KCTD16: variants seen among roughly 807,000 people sequenced by gnomAD.
KCTD16 encodes the protein potassium channel tetramerization domain containing 16.
A neutral mutation model predicts 33.2 loss-of-function variants in KCTD16; 13 were observed. That is an observed-to-expected ratio of 0.39 (90% CI 0.25 to 0.62). The LOEUF (loss-of-function observed/expected upper bound fraction) is 0.62. KCTD16 is among the 20% of genes least tolerant of loss of function. KCTD16 has a pLI of 0.50. For synonymous variants in KCTD16, 197 were observed against 195.3 expected (o/e 1.01, Z -0.07); for missense variants, 441 against 525.1 (o/e 0.84, Z 1.57).
At chr5:144,303,075 C>T (rs570077681) in intron 3 of KCTD16, among the ~76,000 whole-genome samples, 145 of 152,272 alleles carry the variant, frequency 9.5e-4, no homozygotes, top group Non-Finnish European at 1.6e-3. Flanking sequence ...GTATAATTGA[C>T]ATTATTAGAG....
intron 3 of KCTD16, among the ~76,000 whole-genome samples, chr5:144,320,256 A>G (rs1752037488): frequency 6.6e-6 from 1 of 152,192 alleles, no homozygotes; most frequent in African/African-American, 2.4e-5. Flanking sequence ...CCTCTGTGAA[A>G]TCTGAGGGCT....
At chr5:144,423,307 G>T (rs928139366) in intron 3 of KCTD16, among the ~76,000 whole-genome samples, 1 of 152,132 alleles carries the variant, frequency 6.6e-6, no homozygotes, top group Non-Finnish European at 1.5e-5. Flanking sequence ...AAGCAAGGGA[G>T]TGACATAATT....
intron 3 of KCTD16, among the ~76,000 whole-genome samples, chr5:144,323,383 A>G (rs1334917113): frequency 2.6e-5 from 4 of 152,218 alleles, no homozygotes; most frequent in Non-Finnish European, 5.9e-5. Flanking sequence ...TTAGGGACAC[A>G]TGCCCATGAG....
intron 3 of KCTD16, among the ~76,000 whole-genome samples, chr5:144,298,592 C>G (rs1251513043): frequency 6.6e-6 from 1 of 152,038 alleles, no homozygotes; most frequent in Non-Finnish European, 1.5e-5. Flanking sequence ...CTCAAGATGC[C>G]TTCAGAGACA....
chr5:144,217,858 A>G (rs1377188146), intron 3 of KCTD16, among the ~76,000 whole-genome samples: 1 of 152,196 alleles, frequency 6.6e-6, no homozygotes, highest in African/African-American at 2.4e-5. Flanking sequence ...AAAAAAAAAA[A>G]AAGTAATGAA....
chr5:144,478,302 C>A lies in KCTD16; in HGVS notation c.*4188C>A, dbSNP rs1482954925. The A allele has an allele frequency of 6.6e-6, 1 of 152,026 alleles. No homozygotes were observed. 9.4% of individuals were successfully genotyped at this position (152,026 alleles called of 1,614,324 possible). Reference sequence around the variant, plus strand: ...TAGGTTTGATTTATATTGCCTTCATCATTCTGGTTTCAGACGAAATGGTTA... The same window carrying A: ...TAGGTTTGATTTATATTGCCTTCATAATTCTGGTTTCAGACGAAATGGTTA... On this transcript the variant is annotated 3_prime_UTR_variant, in exon 4 of 4. Coordinates refer to ENST00000512467, the MANE Select transcript of KCTD16 (RefSeq NM_020768.4).
intron 3 of KCTD16, among the ~76,000 whole-genome samples, chr5:144,359,042 G>A (rs1471792736): frequency 6.6e-6 from 1 of 152,188 alleles, no homozygotes; most frequent in Non-Finnish European, 1.5e-5. Context: ...TGAGTACACA[G>A]AGGGCACTGA....
chr5:144,244,787 G>T (rs1580816237), intron 3 of KCTD16, among the ~76,000 whole-genome samples: 1 of 152,108 alleles, frequency 6.6e-6, no homozygotes, highest in Non-Finnish European at 1.5e-5. Context: ...CCTTAACTTT[G>T]TATCATTTTG....
intron 3 of KCTD16, among the ~76,000 whole-genome samples, chr5:144,388,617 A>T (rs1222100523): frequency 6.6e-6 from 1 of 152,168 alleles, no homozygotes; most frequent in Non-Finnish European, 1.5e-5. Context: ...TTGGCTGTCT[A>T]TGCAAGCCAT....
chr5:144,372,673 C>G (rs945683640), intron 3 of KCTD16, among the ~76,000 whole-genome samples: 1 of 152,074 alleles, frequency 6.6e-6, no homozygotes, highest in Non-Finnish European at 1.5e-5. Flanking sequence ...ACATGCCAGG[C>G]AGAGAAACTG....
chr5:144,227,506 C>G (rs1753970204), intron 3 of KCTD16, among the ~76,000 whole-genome samples: 1 of 152,216 alleles, frequency 6.6e-6, no homozygotes, highest in Non-Finnish European at 1.5e-5. Context: ...GACTCTGACT[C>G]TGCTGACATG....
chr5:144,399,005 A>G lies in KCTD16; in HGVS notation c.833-74655A>G, dbSNP rs548873546. Among the ~76,000 whole-genome samples, 20 of 152,012 alleles carry G rather than the reference A, an allele frequency of 1.3e-4. 1 individual carries two copies. Among genetic ancestry groups the G allele is most frequent in the Non-Finnish European group, 2.4e-4 (16 of 68,034 alleles). The stretch of plus-strand genomic sequence containing the variant: ...TCTCCAAGGGAAATCTCTAAGTACC[A>G]GAGTGAAACGGCAGCACGTTTGCTA... On this transcript the variant is annotated intron_variant, in intron 3 of 3. Transcript: ENST00000512467.
chr5:144,179,586 C>T (rs1752576148), intron 2 of KCTD16, among the ~76,000 whole-genome samples: 1 of 152,186 alleles, frequency 6.6e-6, no homozygotes, highest in Non-Finnish European at 1.5e-5. Context: ...AGGGATCCTT[C>T]CTTCACCAAC....
intron 2 of KCTD16, among the ~76,000 whole-genome samples, chr5:144,200,836 A>T (rs767098839): frequency 6.6e-6 from 1 of 152,168 alleles, no homozygotes; most frequent in Non-Finnish European, 1.5e-5. Flanking sequence ...CTCGAGACTC[A>T]AGGTATTCTC....
chr5:144,198,880 A>G (rs1344531703), intron 2 of KCTD16, among the ~76,000 whole-genome samples: 1 of 152,196 alleles, frequency 6.6e-6, no homozygotes, highest in African/African-American at 2.4e-5. Context: ...TAACATCAAC[A>G]GCATAAATGA....
At chr5:144,470,923 A>T (rs1457237335) in intron 3 of KCTD16, among the ~76,000 whole-genome samples, 19 of 152,274 alleles carry the variant, frequency 1.2e-4, no homozygotes, top group African/African-American at 4.6e-4. Context: ...GCTCACACCT[A>T]TAATCCCAGC....
intron 2 of KCTD16, among the ~76,000 whole-genome samples, chr5:144,177,806 G>T (rs1752538143): frequency 6.6e-6 from 1 of 152,108 alleles, no homozygotes; most frequent in Non-Finnish European, 1.5e-5. Flanking sequence ...ATGTCTTTTG[G>T]GGGGATGTAC....
At chr5:144,292,748 A>T (rs1359942194) in intron 3 of KCTD16, among the ~76,000 whole-genome samples, 2 of 152,192 alleles carry the variant, frequency 1.3e-5, no homozygotes, top group Non-Finnish European at 2.9e-5. Flanking sequence ...AGAGTTAGGG[A>T]GAAAAAACTC....
chr5:144,299,131 TATATATATATA>T (rs1751329566), intron 3 of KCTD16, among the ~76,000 whole-genome samples: 1 of 30,272 alleles, frequency 3.3e-5, no homozygotes, highest in African/African-American at 3.4e-4. Flanking sequence ...TATATATATA[TATATATATATA>T]TATATATTTT....
Sources: allele counts gnomAD v4.1 joint callset (sites outside exome capture counted in the v4.1 genomes callset), GRCh38; gene constraint gnomAD v4.1.1; transcripts MANE v1.5; gene names NCBI Gene and HGNC (gene_info 2026-07-23, HGNC 2026-07-21).